The following TEP1 variants were observed in gnomAD, a reference collection of about 807,000 sequenced individuals.
TEP1 encodes the protein telomerase protein component 1.
A neutral mutation model predicts 306.3 loss-of-function variants in TEP1; 241 were observed. That is an observed-to-expected ratio of 0.79 (90% CI 0.71 to 0.88). The LOEUF (loss-of-function observed/expected upper bound fraction) is 0.88. Ranked by LOEUF, TEP1 falls within the 40% of genes least tolerant of loss-of-function variation. The probability of loss-of-function intolerance (pLI) is 0.00; values close to 1 mark genes in which losing one functional copy is unlikely to be tolerated. For synonymous variants in TEP1, 1,289 were observed against 1,305.5 expected (o/e 0.99, Z 0.27); for missense variants, 3,051 against 3,276.1 (o/e 0.93, Z 1.68).
At chr14:20,375,921 C>A in intron 42 of TEP1, 53 bp from the exon 43 acceptor site, 1 of 1,524,384 alleles carries the variant, frequency 6.6e-7, no homozygotes, top group South Asian at 1.1e-5. Context: ...AGGATGGGAA[C>A]CCCGGAGCCA....
rs1189689392 is a variant in TEP1 at position 20,387,983 on chromosome 14, G to A, written c.2606C>T (p.Pro869Leu). The change falls in exon 18 of 55, where the codon CCA becomes CTA. Residue 869 changes from proline to leucine, a missense_variant. This residue lies in a region of TEP1 where 1,507 missense variants were observed against 1,550.5 expected (regional missense o/e 0.97). Coordinates refer to ENST00000262715, the MANE Select transcript of TEP1 (RefSeq NM_007110.5). ...MDKIFKIPPP[P>L]GKTGVQSLRP... ...GAGAGACTGGACCCCTGTCTTTCCT[G>A]GGGGTGGTGGAATCTTGAATATTTT... is the stretch of plus-strand genomic sequence containing the variant. 3 of 1,613,972 alleles carry A rather than the reference G, an allele frequency of 1.9e-6. No individual in the cohort carries two copies. Among genetic ancestry groups the A allele is most frequent in the Non-Finnish European group, 2.5e-6 (3 of 1,180,000 alleles).
At chr14:20,388,523 A>AT (rs1877406350) in intron 17 of TEP1, among the ~76,000 whole-genome samples, 2 of 152,248 alleles carry the variant, frequency 1.3e-5, no homozygotes, top group Admixed American at 1.3e-4. Context: ...GGAGAGACAG[A>AT]TAAAAAAAAC....
At chr14:20,382,519 G>A (rs755784368) in intron 28 of TEP1, 104 bp downstream of exon 28, 50 of 1,531,250 alleles carry the variant, frequency 3.3e-5, no homozygotes, top group Non-Finnish European at 3.4e-5. Flanking sequence ...GATAGGGAGT[G>A]GGTGATCACA....
chr14:20,401,578 C>T lies in TEP1; in HGVS notation c.1270G>A (p.Glu424Lys). ...GFLREEQRKF[E>K]KAGDTVSEKK... ...TCTGACACTGTATCACCGGCCTTCT[C>T]AAACTGTGGAAACATCCCCAAGTCC... The change falls in exon 8 of 55, where the codon GAG (glutamate) becomes AAG (lysine). Residue 424 changes from glutamate (E) to lysine (K), a missense_variant. Coordinates refer to ENST00000262715, the MANE Select transcript of TEP1 (RefSeq NM_007110.5). The T allele has an allele frequency of 1.2e-6, 2 of 1,614,098 alleles. No individual in the cohort carries two copies.
chr14:20,368,757 G>GGCGC (rs1566434321), intron 54 of TEP1, 41 bp downstream of exon 54: 2 of 1,322,532 alleles, frequency 1.5e-6, no homozygotes, highest in Admixed American at 2.2e-5. Context: ...TAGGTGTGCA[G>GGCGC]GCGCACGCAC....
rs1594337715 is a variant in TEP1 at position 20,381,946 on chromosome 14, C to G, written c.4391G>C (p.Gly1464Ala). Residue 1464 changes from glycine to alanine, a missense_variant, in exon 30 of 55, where the codon GGC (glycine) becomes GCC (alanine). By Grantham distance (60) the Gly-to-Ala change is moderately conservative (BLOSUM62 0). This residue lies in a region of TEP1 where 1,540 missense variants were observed against 1,705.9 expected (regional missense o/e 0.90). Transcript: ENST00000262715. This position sits in a 1 kb window ranked among gnomAD's most constrained non-coding sequence, Gnocchi z 4.0. Reference protein sequence around the residue: ...AGNSGDPYPMGPFACLVQSLR... With the variant: ...AGNSGDPYPMAPFACLVQSLR... ...ACTCTGGACGAGGCAGGCAAACGGG[C>G]CCATGGGGTAGGGGTCTCCACTGTT... 1 of 1,614,050 alleles carries G rather than the reference C, an allele frequency of 6.2e-7. No individual in the cohort carries two copies. The highest frequency in any genetic ancestry group is 8.5e-7 in the Non-Finnish European group (1 of 1,180,006).
Position 20,401,508 on chromosome 14 carries a change from C to A in TEP1, c.1340G>T (p.Arg447Leu). The A allele has an allele frequency of 6.2e-7, 1 of 1,614,182 alleles. No homozygotes were observed. The highest frequency in any genetic ancestry group is 8.5e-7 in the Non-Finnish European group (1 of 1,180,030). ...PRFTLKKLVQ[R>L]LHIHKPAQHV... The stretch of plus-strand genomic sequence containing the variant: ...CTGGGCAGGCTTGTGGATGTGCAGT[C>A]GCTGAACCAGCTTCTTCAGGGTGAA... Residue 447 changes from arginine to leucine, a missense_variant, in exon 8 of 55, where the codon CGA becomes CTA. This residue lies in a region of TEP1 where 1,507 missense variants were observed against 1,550.5 expected (regional missense o/e 0.97). Coordinates refer to ENST00000262715, the MANE Select transcript of TEP1 (RefSeq NM_007110.5).
chr14:20,369,905 A>C, intron 51 of TEP1, 126 bp from the exon 52 acceptor site: 1 of 649,330 alleles, frequency 1.5e-6, no homozygotes, highest in Non-Finnish European at 2.5e-6. Context: ...CTTAGATACA[A>C]TCAAGTGCGC....
chr14:20,377,906 T>C (rs1482185717), intron 39 of TEP1, 118 bp downstream of exon 39: 2 of 1,472,384 alleles, frequency 1.4e-6, no homozygotes, highest in Non-Finnish European at 1.9e-6. Flanking sequence ...CTCCCCGTGG[T>C]TCCTGCAATC....
intron 1 of TEP1, among the ~76,000 whole-genome samples, chr14:20,412,680 C>CTTTT (rs10717377): frequency 1.4e-4 from 15 of 105,434 alleles, no homozygotes; most frequent in South Asian, 3.7e-4. Context: ...TCACTCTTTC[C>CTTTT]TTTTTTTTTT....
chr14:20,369,520 T>A lies in TEP1; in HGVS notation c.7480A>T (p.Ser2494Cys). ...CCTGTGGTCCATTCTCCTTCTGGGC[T>A]GCATTTGGCCAGGTTCCATAGGATC... ...DGILWNLAKC[S>C]PEGEWTTGNM... Residue 2494 changes from serine to cysteine, a missense_variant, in exon 53 of 55, where the codon AGC becomes TGC. Ser to Cys is a moderately radical substitution (Grantham distance 112). Around this residue, in one of 3 missense-constraint regions of TEP1, gnomAD observed 1,540 missense variants for 1,705.9 expected, o/e 0.90. Transcript: ENST00000262715. 1 of 1,614,172 alleles carries A rather than the reference T, an allele frequency of 6.2e-7. No individual in the cohort carries two copies. The highest frequency in any genetic ancestry group is 2.2e-5 in the East Asian group (1 of 44,884).
At chr14:20,403,301 A>G in intron 7 of TEP1, 76 bp downstream of exon 7, 1 of 1,560,122 alleles carries the variant, frequency 6.4e-7, no homozygotes, top group South Asian at 1.2e-5. Context: ...TTCAACCCTA[A>G]TAGAATTTTG....
Position 20,386,552 on chromosome 14 carries a change from C to T in TEP1, c.2756G>A (p.Arg919Lys). ...DMHGERDLLLRSVLPALQARA... is the reference protein window; with the variant it reads ...DMHGERDLLLKSVLPALQARA... Reference sequence around the variant, plus strand: ...GGCCTGCAGTGCTGGCAGCACAGACCTCAGCAGCAGGTCCCGCTCCCCATG... The same window carrying T: ...GGCCTGCAGTGCTGGCAGCACAGACTTCAGCAGCAGGTCCCGCTCCCCATG... Residue 919 changes from arginine to lysine, a missense_variant, in exon 19 of 55, where the codon AGG (arginine) becomes AAG (lysine). Arg to Lys is a conservative substitution (Grantham distance 26). Coordinates refer to ENST00000262715, the MANE Select transcript of TEP1 (RefSeq NM_007110.5). The T allele has an allele frequency of 1.2e-6, 2 of 1,612,614 alleles. No homozygotes were observed. Among genetic ancestry groups the T allele is most frequent in the Non-Finnish European group, 8.5e-7 (1 of 1,178,956 alleles).
intron 43 of TEP1, among the ~76,000 whole-genome samples, chr14:20,375,188 T>C (rs1885102781): frequency 6.6e-6 from 1 of 152,000 alleles, no homozygotes; most frequent in South Asian, 2.1e-4. Context: ...TGTTATTATT[T>C]TGAGATGGAG....
intron 19 of TEP1, 48 bp from the exon 20 acceptor site, chr14:20,386,243 A>G (rs375162752): frequency 1.9e-6 from 3 of 1,611,710 alleles, no homozygotes; most frequent in South Asian, 1.1e-5. Context: ...GGGGCATGGT[A>G]TCAGGGAACA....
rs370439177 is a variant in TEP1, at chr14:20,377,581, C to T, written c.5875+19G>A. Reference sequence around the variant, plus strand: ...CTCTTTCTAAAGGCTCAAAAACCCACCCATTCCCATTTCAGTACCTGAAGA... The same window carrying T: ...CTCTTTCTAAAGGCTCAAAAACCCATCCATTCCCATTTCAGTACCTGAAGA... On this transcript the variant is annotated intron_variant, in intron 40 of 54. Coordinates refer to ENST00000262715, the MANE Select transcript of TEP1 (RefSeq NM_007110.5). 6.2e-7 allele frequency: 1 copy of T among 1,614,120 alleles called. No individual in the cohort carries two copies. The highest frequency in any genetic ancestry group is 8.5e-7 in the Non-Finnish European group (1 of 1,179,990).
rs1352595535 is a variant in TEP1, at chr14:20,368,504, G to A, written c.7817C>T (p.Ala2606Val). The change falls in exon 55 of 55, where the codon GCT (alanine) becomes GTT (valine). Residue 2606 changes from alanine to valine, a missense_variant. Ala to Val is a moderately conservative substitution (Grantham distance 64). Coordinates refer to ENST00000262715, the MANE Select transcript of TEP1 (RefSeq NM_007110.5). ...CACGGCAAGCTGCAGGGTGGAGTTAGCGCCCAGCCAAGGTTCCAGGCAGCT... is the reference window on the plus strand; with the variant it reads ...CACGGCAAGCTGCAGGGTGGAGTTAACGCCCAGCCAAGGTTCCAGGCAGCT... Reference protein sequence around the residue: ...SVSCLEPWLGANSTLQLAVGD... With the variant: ...SVSCLEPWLGVNSTLQLAVGD... 1.9e-6 allele frequency: 3 copies of A among 1,614,158 alleles called. No individual in the cohort carries two copies. Among genetic ancestry groups the A allele is most frequent in the Admixed American group, 3.3e-5 (2 of 60,024 alleles).
Position 20,367,327 on chromosome 14 carries a change from C to T in TEP1, c.*1110G>A, listed in dbSNP as rs1884525637. 1 of 149,488 alleles carries T rather than the reference C, an allele frequency of 6.7e-6. No homozygotes were observed. The highest frequency in any genetic ancestry group is 2.5e-5 in the African/African-American group (1 of 40,384). The allele number at this position is 149,488 out of a possible 1,614,324, so 9.3% of individuals were successfully genotyped here. The stretch of plus-strand genomic sequence containing the variant: ...GCACTGAGCTGAGATTGCACCATTG[C>T]ACTCCAGCCTAGGTGACAGAGCCAG... On this transcript the variant is annotated 3_prime_UTR_variant, in exon 55 of 55. Transcript: ENST00000262715.
At chr14:20,378,939 G>A (rs946977027) in intron 36 of TEP1, 42 bp downstream of exon 36, 2 of 1,613,902 alleles carry the variant, frequency 1.2e-6, no homozygotes, top group Non-Finnish European at 8.5e-7. Context: ...CCAAAAAATG[G>A]GGAAGGCCCT....
Sources: allele counts gnomAD v4.1 joint callset (sites outside exome capture counted in the v4.1 genomes callset), GRCh38; gene constraint gnomAD v4.1.1; regional missense constraint gnomAD v4.1.1; non-coding constraint Gnocchi (gnomAD v3.1); transcripts MANE v1.5; gene names NCBI Gene and HGNC (gene_info 2026-07-23, HGNC 2026-07-21).